Variants in HK2 observed in about 807,000 individuals in gnomAD.
The protein encoded by HK2 is hexokinase 2.
HK2 carries 42 observed loss-of-function variants against 92.9 expected under a neutral mutation model. The ratio of observed to expected loss-of-function variants is 0.45; its 90% CI spans 0.35 to 0.58. The LOEUF (loss-of-function observed/expected upper bound fraction) is 0.58. Among genes scored for constraint, HK2 ranks in the 20% least tolerant of loss-of-function variants. The pLI, the probability that HK2 is intolerant of heterozygous loss-of-function variation, is 0.00. For missense variants in HK2, 978 were observed against 1,245.1 expected (o/e 0.79, Z 3.23); for synonymous variants, 422 against 468.0 (o/e 0.90, Z 1.27).
At chr2:74,853,652 C>A (rs1688623874) in intron 1 of HK2, among the ~76,000 whole-genome samples, 1 of 151,562 alleles carries the variant, frequency 6.6e-6, no homozygotes, top group African/African-American at 2.4e-5. Context: ...TGGCTGAGAT[C>A]TCATCACTGC....
Position 74,852,695 on chromosome 2 carries a change from A to C in HK2, c.64-1598A>C, listed in dbSNP as rs546660418. ...AAATAACAATTAAAAGATTAAAAAAAAAAAACAACAAAAAACGAGTGAGAG... is the reference window on the plus strand; with the variant it reads ...AAATAACAATTAAAAGATTAAAAAACAAAAACAACAAAAAACGAGTGAGAG... On this transcript the variant is annotated intron_variant, in intron 1 of 17. Coordinates refer to ENST00000290573, the MANE Select transcript of HK2 (RefSeq NM_000189.5). Among the ~76,000 whole-genome samples, 10 of 152,258 alleles carry C rather than the reference A, an allele frequency of 6.6e-5. No homozygotes were observed. The South Asian group carries it at 2.1e-3, about 32-fold the overall frequency.
rs190973646 is a variant in HK2 at position 74,888,940 on chromosome 2, C to T, written c.2376-305C>T. ...GGACATGAAAGAGCTTTGTAACTGACCACTGTGATAAACAGTGAATTTGCT... is the reference window on the plus strand; with the variant it reads ...GGACATGAAAGAGCTTTGTAACTGATCACTGTGATAAACAGTGAATTTGCT... On this transcript the variant is annotated intron_variant, in intron 16 of 17. Coordinates refer to ENST00000290573, the MANE Select transcript of HK2 (RefSeq NM_000189.5). Among the ~76,000 whole-genome samples the T allele has an allele frequency of 2.0e-5, 3 of 152,226 alleles. No homozygotes were observed. The East Asian group carries it at 5.8e-4, about 29-fold the overall frequency.
intron 7 of HK2, among the ~76,000 whole-genome samples, 161 bp downstream of exon 7, chr2:74,874,610 G>T (rs1417323783): frequency 1.3e-5 from 2 of 152,152 alleles, no homozygotes; most frequent in Non-Finnish European, 2.9e-5. Context: ...ATTGCTGAGA[G>T]GATCTAAAAC....
chr2:74,838,387 G>C (rs188016466), intron 1 of HK2, among the ~76,000 whole-genome samples: 1 of 150,798 alleles, frequency 6.6e-6, no homozygotes, highest in East Asian at 1.9e-4. Flanking sequence ...GGGGTAGTTC[G>C]CAGTTATCTC....
At chr2:74,838,388 C>A (rs1056602624) in intron 1 of HK2, among the ~76,000 whole-genome samples, 4 of 150,752 alleles carry the variant, frequency 2.7e-5, no homozygotes, top group Non-Finnish European at 4.4e-5. Context: ...GGGTAGTTCG[C>A]AGTTATCTCT....
At chr2:74,876,473 TA>T (rs1689234885) in intron 7 of HK2, among the ~76,000 whole-genome samples, 1 of 152,210 alleles carries the variant, frequency 6.6e-6, no homozygotes, top group African/African-American at 2.4e-5. Flanking sequence ...CACCTAGTGT[TA>T]AAATTAAATC....
At chr2:74,887,796 C>A in intron 15 of HK2, 107 bp from the exon 16 acceptor site, 1 of 991,292 alleles carries the variant, frequency 1.0e-6, no homozygotes, top group Non-Finnish European at 1.6e-6. Context: ...GGGAGTCTGC[C>A]TGTCTGCCAC....
At chr2:74,878,002 C>T (rs1689275951) in intron 8 of HK2, among the ~76,000 whole-genome samples, 1 of 152,162 alleles carries the variant, frequency 6.6e-6, no homozygotes. Flanking sequence ...GTGCCAATGA[C>T]TTTGTTTTAA....
chr2:74,845,740 G>C (rs1226825995), intron 1 of HK2, among the ~76,000 whole-genome samples: 1 of 152,244 alleles, frequency 6.6e-6, no homozygotes, highest in Non-Finnish European at 1.5e-5. Flanking sequence ...AAGTGGCATA[G>C]GAGATCTGAG....
chr2:74,839,994 C>G (rs564530200), intron 1 of HK2, among the ~76,000 whole-genome samples: 33 of 109,862 alleles, frequency 3.0e-4, no homozygotes, highest in African/African-American at 1.1e-3. Context: ...CTCACTCTGT[C>G]GCCCAGGCTG....
Position 74,881,845 on chromosome 2 carries a change from G to A in HK2, c.1705G>A (p.Gly569Ser), listed in dbSNP as rs1331614363. The change falls in exon 11 of 18, where the codon GGC becomes AGC. Residue 569 changes from glycine to serine, a missense_variant. Physicochemically the swap from Gly to Ser is moderately conservative, Grantham distance 56. This residue lies in a region of HK2 where 742 missense variants were observed against 922.5 expected (regional missense o/e 0.80). Coordinates refer to ENST00000290573, the MANE Select transcript of HK2 (RefSeq NM_000189.5). ...IYAIPQEVMH[G>S]TGDELFDHIV... ...CGCCATCCCGCAGGAGGTCATGCAC[G>A]GCACCGGGGACGAGGTGAGCAGGGC... is the stretch of plus-strand genomic sequence containing the variant. 6 of 1,614,060 alleles carry A rather than the reference G, an allele frequency of 3.7e-6. No homozygotes were observed. In the African/African-American group the frequency reaches 4.0e-5, roughly 11 times the overall value.
intron 1 of HK2, among the ~76,000 whole-genome samples, chr2:74,840,841 T>A (rs1688294971): frequency 1.6e-5 from 2 of 123,630 alleles, no homozygotes; most frequent in South Asian, 5.2e-4. Context: ...ATCGCACCAA[T>A]GCACTCCAGC....
rs1416521036 is a variant in HK2 at position 74,854,234 on chromosome 2, C to T, written c.64-59C>T. The T allele has an allele frequency of 1.3e-5, 20 of 1,522,262 alleles. No homozygotes were observed. The African/African-American group carries it at 1.4e-4, about 10-fold the overall frequency. The allele number at this position is 1,522,262 out of a possible 1,614,324, so 94.3% of individuals were successfully genotyped here. ...GAGCTGAGTGGTGTTCCATGACGTA[C>T]ACCTATGCCATAATTTATTTAACCA... On this transcript the variant is annotated intron_variant, in intron 1 of 17. Coordinates refer to ENST00000290573, the MANE Select transcript of HK2 (RefSeq NM_000189.5).
rs1360084065 is a variant in HK2 at position 74,891,440 on chromosome 2, A to G, written c.*499A>G. ...CAGACGTGGGGAGGGTGGAGGGGTG[A>G]CAGTGGAGGAAAATCCATGGATATC... is the stretch of plus-strand genomic sequence containing the variant. On this transcript the variant is annotated 3_prime_UTR_variant, in exon 18 of 18. Coordinates refer to ENST00000290573, the MANE Select transcript of HK2 (RefSeq NM_000189.5). 5.9e-6 allele frequency: 1 copy of G among 168,526 alleles called. No homozygotes were observed. The highest frequency in any genetic ancestry group is 1.3e-5 in the Non-Finnish European group (1 of 76,946). The allele number at this position is 168,526 out of a possible 1,614,324, so 10.4% of individuals were successfully genotyped here.
chr2:74,868,879 T>G (rs1689027044), intron 3 of HK2, among the ~76,000 whole-genome samples: 1 of 152,244 alleles, frequency 6.6e-6, no homozygotes, highest in Non-Finnish European at 1.5e-5. Context: ...CCCTGTTGCT[T>G]GTATCCTGAC....
chr2:74,864,197 A>G (rs1688896579), intron 2 of HK2, among the ~76,000 whole-genome samples: 1 of 152,242 alleles, frequency 6.6e-6, no homozygotes. Flanking sequence ...CACTAGAGCC[A>G]CTAGAGCCCT....
At chr2:74,840,594 G>C (rs1368208727) in intron 1 of HK2, among the ~76,000 whole-genome samples, 3 of 151,276 alleles carry the variant, frequency 2.0e-5, no homozygotes, top group African/African-American at 7.3e-5. Context: ...TATGCCGGGC[G>C]CGGTGGCTCA....
At chr2:74,877,502 G>A (rs993974874) in intron 8 of HK2, among the ~76,000 whole-genome samples, 181 bp downstream of exon 8, 2 of 152,132 alleles carry the variant, frequency 1.3e-5, no homozygotes, top group East Asian at 1.9e-4. Flanking sequence ...CACTCTTGTC[G>A]ATTTCGATTG....
At chr2:74,837,323 C>G (rs927347681) in intron 1 of HK2, among the ~76,000 whole-genome samples, 2 of 152,202 alleles carry the variant, frequency 1.3e-5, no homozygotes, top group African/African-American at 4.8e-5. Flanking sequence ...CTGGCCCGGG[C>G]CTCTGCCCAC....
Sources: allele counts gnomAD v4.1 joint callset (sites outside exome capture counted in the v4.1 genomes callset), GRCh38; gene constraint gnomAD v4.1.1; regional missense constraint gnomAD v4.1.1; transcripts MANE v1.5; gene names NCBI Gene and HGNC (gene_info 2026-07-23, HGNC 2026-07-21).